Variants in CADM2 observed in about 807,000 individuals in gnomAD.
CADM2 encodes the protein cell adhesion molecule 2.
A neutral mutation model predicts 49.8 loss-of-function variants in CADM2; 12 were observed. That is an observed-to-expected ratio of 0.24 (90% confidence interval 0.15 to 0.39). The LOEUF is 0.39. Ranked by LOEUF, CADM2 falls within the 10% of genes least tolerant of loss-of-function variation. The pLI is 1.00. For missense variants in CADM2, 378 were observed against 492.3 expected (o/e 0.77, Z 2.20); for synonymous variants, 214 against 175.4 (o/e 1.22, Z -1.74).
At chr3:85,807,499 C>CAAAAAAAAAAAAA (rs60644652) in intron 3 of CADM2, among the ~76,000 whole-genome samples, 2 of 82,232 alleles carry the variant, frequency 2.4e-5, no homozygotes, top group South Asian at 4.1e-4. Context: ...AACTCCGTCT[C>CAAAAAAAAAAAAA]AAAAAAAAAA....
At chr3:85,408,190 C>G (rs1386433263) in intron 1 of CADM2, among the ~76,000 whole-genome samples, 1 of 151,950 alleles carries the variant, frequency 6.6e-6, no homozygotes, top group Non-Finnish European at 1.5e-5. Context: ...AATAGTTCAG[C>G]AATATTTTCT....
intron 1 of CADM2, among the ~76,000 whole-genome samples, chr3:85,163,074 C>T (rs927374218): frequency 6.6e-6 from 1 of 151,966 alleles, no homozygotes; most frequent in Non-Finnish European, 1.5e-5. Context: ...AATGCTGACT[C>T]ATCATTCTTT....
intron 1 of CADM2, among the ~76,000 whole-genome samples, chr3:85,318,513 A>G (rs1270652658): frequency 6.6e-6 from 1 of 152,290 alleles, no homozygotes; most frequent in African/African-American, 2.4e-5. Flanking sequence ...ACAGAAAAAA[A>G]ATTAATAGCA....
intron 1 of CADM2, among the ~76,000 whole-genome samples, chr3:85,589,228 A>T (rs2063033578): frequency 6.6e-6 from 1 of 151,940 alleles, no homozygotes. Context: ...CTAACTGCCC[A>T]GATGTGAGAG....
intron 4 of CADM2, among the ~76,000 whole-genome samples, chr3:85,885,588 A>G (rs1327149880): frequency 3.3e-5 from 5 of 150,992 alleles, no homozygotes; most frequent in African/African-American, 7.3e-5. Flanking sequence ...AGGCTGAGGC[A>G]GGAGAATTGC....
At chr3:85,289,513 G>T (rs2043722412) in intron 1 of CADM2, among the ~76,000 whole-genome samples, 4 of 152,190 alleles carry the variant, frequency 2.6e-5, no homozygotes, top group Admixed American at 2.6e-4. Context: ...TGGACAGCCA[G>T]TCAAGCCCCA....
intron 5 of CADM2, among the ~76,000 whole-genome samples, chr3:85,889,620 A>G (rs528784888): frequency 1.3e-5 from 2 of 152,178 alleles, no homozygotes; most frequent in Non-Finnish European, 2.9e-5. Context: ...TGGTTGCCTC[A>G]AAGTGCTTTT....
At chr3:85,129,996 T>C (rs1301123784) in intron 1 of CADM2, among the ~76,000 whole-genome samples, 3 of 152,214 alleles carry the variant, frequency 2.0e-5, no homozygotes, top group Admixed American at 2.0e-4. Flanking sequence ...TATCAGAATG[T>C]AGCCAGGTGT....
At chr3:85,866,470 C>CTA (rs1382367105) in intron 3 of CADM2, among the ~76,000 whole-genome samples, 3 of 152,026 alleles carry the variant, frequency 2.0e-5, no homozygotes. Context: ...TTCCATAGCC[C>CTA]TGATTTGTGA....
chr3:85,026,577 C>A, intron 1 of CADM2, among the ~76,000 whole-genome samples: 1 of 151,860 alleles, frequency 6.6e-6, no homozygotes, highest in East Asian at 1.9e-4. Flanking sequence ...CCTATGCTAC[C>A]AATACACATG....
At chr3:85,660,754 A>G (rs150787861) in intron 1 of CADM2, among the ~76,000 whole-genome samples, 2 of 152,164 alleles carry the variant, frequency 1.3e-5, no homozygotes, top group East Asian at 3.9e-4. Flanking sequence ...CAAGGTTTAA[A>G]AATAACATCA....
chr3:85,076,720 C>T (rs576110110), intron 1 of CADM2, among the ~76,000 whole-genome samples: 1 of 151,962 alleles, frequency 6.6e-6, no homozygotes, highest in Non-Finnish European at 1.5e-5. Context: ...ACCTTTAATT[C>T]CAGCACTTTG....
At chr3:85,245,834 C>T (rs1462464667) in intron 1 of CADM2, among the ~76,000 whole-genome samples, 1 of 152,116 alleles carries the variant, frequency 6.6e-6, no homozygotes, top group Non-Finnish European at 1.5e-5. Flanking sequence ...ATTTGGCCTC[C>T]CAGGAGTCAC....
intron 1 of CADM2, among the ~76,000 whole-genome samples, chr3:85,493,814 A>G (rs1436921182): frequency 5.9e-5 from 9 of 152,334 alleles, no homozygotes; most frequent in Admixed American, 1.3e-4. Flanking sequence ...TTCCGGCAAG[A>G]TTGAAAGAAA....
chr3:85,221,260 T>C (rs925674082), intron 1 of CADM2, among the ~76,000 whole-genome samples: 20 of 152,156 alleles, frequency 1.3e-4, no homozygotes, highest in Non-Finnish European at 2.8e-4. Flanking sequence ...TTTAATGTGG[T>C]TATCTGTGTC....
intron 1 of CADM2, among the ~76,000 whole-genome samples, chr3:85,607,994 CAAAT>C (rs1306014162): frequency 1.3e-5 from 2 of 151,912 alleles, no homozygotes; most frequent in African/African-American, 2.4e-5. Context: ...TTATTAGAAA[CAAAT>C]AATTTCTGAA....
intron 1 of CADM2, among the ~76,000 whole-genome samples, chr3:85,583,794 A>G (rs1324562346): frequency 6.6e-6 from 1 of 152,046 alleles, no homozygotes; most frequent in Non-Finnish European, 1.5e-5. Context: ...AGCAAGAAAT[A>G]TTAGCATGAA....
chr3:85,181,778 T>C (rs996520548), intron 1 of CADM2, among the ~76,000 whole-genome samples: 1 of 151,154 alleles, frequency 6.6e-6, no homozygotes, highest in African/African-American at 2.4e-5. Flanking sequence ...TCCCTTATTA[T>C]ACCTTATTGT....
intron 8 of CADM2, among the ~76,000 whole-genome samples, chr3:85,965,474 G>T (rs1485833157): frequency 6.6e-6 from 1 of 150,998 alleles, no homozygotes; most frequent in Non-Finnish European, 1.5e-5. Flanking sequence ...AAACTCCAAG[G>T]GTCTGGTAAG....
Sources: gnomAD v4.1 joint callset for allele counts (sites outside exome capture counted in the v4.1 genomes callset) on GRCh38, gnomAD v4.1.1 for gene constraint, MANE v1.5 for transcripts, NCBI Gene and HGNC (gene_info 2026-07-23, HGNC 2026-07-21) for gene names.